Variants in PLAGL1 observed in about 807,000 individuals in gnomAD.
The protein encoded by PLAGL1 is PLAG1 like zinc finger 1, also known as zinc finger protein PLAGL1.
A neutral mutation model predicts 4.6 loss-of-function variants in PLAGL1; 1 was observed. That is an observed-to-expected ratio of 0.22 (90% CI 0.08 to 1.03). PLAGL1 has a LOEUF of 1.03. Among genes scored for constraint, PLAGL1 ranks in the 50% least tolerant of loss-of-function variants. The pLI, the probability that PLAGL1 is intolerant of heterozygous loss-of-function variation, is 0.58. For missense variants in PLAGL1, 464 were observed against 570.4 expected, an observed-to-expected ratio of 0.81 and a Z score of 1.90; for synonymous variants, 240 against 237.8, an observed-to-expected ratio of 1.01 and a Z score of -0.08.
At position 144,059,092 on chromosome 6, in the gene PLAGL1, G is replaced by A. The variant is rs902486354; in HGVS notation, c.-151+5376C>T. Among the ~76,000 whole-genome samples, 7 of 152,140 alleles carry A rather than the reference G, an allele frequency of 4.6e-5. No homozygotes were observed. Among genetic ancestry groups the A allele is most frequent in the Admixed American group, 4.6e-4 (7 of 15,284 alleles). On this transcript the variant is annotated intron_variant, in intron 1 of 3. Transcript: ENST00000437412. This position sits in a 1 kb window ranked among gnomAD's most constrained non-coding sequence, Gnocchi z 4.9. ...CCACCCCTACAGCAGGCTTCTGCCTGTACACTCAGGCTTTCTGATATGTCA... is the reference window on the plus strand; with the variant it reads ...CCACCCCTACAGCAGGCTTCTGCCTATACACTCAGGCTTTCTGATATGTCA...
intron 1 of PLAGL1, among the ~76,000 whole-genome samples, chr6:143,988,079 GTGATGT>G (rs1789610745): frequency 2.0e-5 from 3 of 152,144 alleles, no homozygotes; most frequent in Admixed American, 1.3e-4. Flanking sequence ...TCCATTCCCA[GTGATGT>G]TTGTCCAGTA....
At position 143,948,274 on chromosome 6, in the gene PLAGL1, G is replaced by A. The variant is rs745769302; in HGVS notation, c.-138C>T. The A allele has an allele frequency of 2.0e-4, 140 of 710,000 alleles. No individual in the cohort carries two copies. Among genetic ancestry groups the A allele is most frequent in the Middle Eastern group, 4.0e-4 (1 of 2,516 alleles). The allele number at this position is 710,000 out of a possible 1,614,324, so 44.0% of individuals were successfully genotyped here. On this transcript the variant is annotated 5_prime_UTR_variant, in exon 7 of 8. In the 5' UTR this introduces an upstream ATG that the reference lacks. Transcript: ENST00000674357. This position sits in a 1 kb window ranked among gnomAD's most constrained non-coding sequence, Gnocchi z 6.0. ...TCCAGACCACGGGAGAGGCAGCATC[G>A]TGGGCCTGGTTCTACCCAGACATGG...
rs117922156 is a variant in PLAGL1, at chr6:143,943,456, A to G, written c.153-793T>C. ...TTAAAAAGTCCATCCTTAACCTCAGAAAAGTGTCTAATAGGACCCTGAACA... is the reference window on the plus strand; with the variant it reads ...TTAAAAAGTCCATCCTTAACCTCAGGAAAGTGTCTAATAGGACCCTGAACA... On this transcript the variant is annotated intron_variant, in intron 7 of 7. Transcript: ENST00000674357. Among the ~76,000 whole-genome samples, 251 of 152,092 alleles carry G rather than the reference A, an allele frequency of 1.7e-3. 3 individuals are homozygous for G. The East Asian group carries it at 0.026, about 16-fold the overall frequency.
At chr6:143,998,645 T>C (rs920584622) in intron 1 of PLAGL1, among the ~76,000 whole-genome samples, 2 of 152,124 alleles carry the variant, frequency 1.3e-5, no homozygotes, top group Non-Finnish European at 2.9e-5. Context: ...ATATAAAGAT[T>C]GGTGACGAAA....
chr6:144,018,443 G>A (rs937427726), intron 1 of PLAGL1, among the ~76,000 whole-genome samples: 6 of 152,130 alleles, frequency 3.9e-5, no homozygotes, highest in Non-Finnish European at 7.4e-5. Context: ...GGAGGAATAA[G>A]TTCAAGATTT....
intron 6 of PLAGL1, among the ~76,000 whole-genome samples, chr6:143,951,829 G>A (rs1352166659): frequency 1.3e-5 from 2 of 152,168 alleles, no homozygotes; most frequent in African/African-American, 4.8e-5. Flanking sequence ...CCAGGTCTGT[G>A]TGTTTAATAT....
intron 1 of PLAGL1, among the ~76,000 whole-genome samples, chr6:144,040,488 C>G (rs570889330): frequency 1.3e-5 from 2 of 151,688 alleles, no homozygotes; most frequent in South Asian, 2.1e-4. Flanking sequence ...AAGATCACAC[C>G]ACTACACTCT....
chr6:143,944,372 A>G (rs1298637952), intron 7 of PLAGL1, among the ~76,000 whole-genome samples: 1 of 152,144 alleles, frequency 6.6e-6, no homozygotes, highest in Non-Finnish European at 1.5e-5. Flanking sequence ...CCAGTTCAAA[A>G]AATATAAAGC....
Position 143,997,113 on chromosome 6 carries a change from A to C in PLAGL1, c.-584+10977T>G, listed in dbSNP as rs936556354. Among the ~76,000 whole-genome samples, 6 of 152,250 alleles carry C rather than the reference A, an allele frequency of 3.9e-5. No homozygotes were observed. Among genetic ancestry groups the C allele is most frequent in the African/African-American group, 1.4e-4 (6 of 41,466 alleles). ...AAAACCATGAGACCATGAAGCCATG[A>C]GATATCACCTCAAACCCACCAGAGG... On this transcript the variant is annotated intron_variant, in intron 1 of 7. Coordinates refer to ENST00000674357, the MANE Select transcript of PLAGL1 (RefSeq NM_001317162.2). The surrounding 1 kb of genome is among the most constrained non-coding windows in gnomAD (Gnocchi z 4.6).
chr6:144,002,516 A>C (rs181220692), intron 1 of PLAGL1, among the ~76,000 whole-genome samples: 5 of 152,168 alleles, frequency 3.3e-5, no homozygotes, highest in African/African-American at 1.2e-4. Context: ...AGCACATTAA[A>C]AACAAAAACA....
Position 143,964,502 on chromosome 6 carries a change from C to T in PLAGL1, c.-399+285G>A, listed in dbSNP as rs1180524301. Among the ~76,000 whole-genome samples, 1 of 152,198 alleles carries T rather than the reference C, an allele frequency of 6.6e-6. No individual in the cohort carries two copies. The highest frequency in any genetic ancestry group is 1.5e-5 in the Non-Finnish European group (1 of 68,034). On this transcript the variant is annotated intron_variant, in intron 5 of 7. Transcript: ENST00000674357. The surrounding 1 kb of genome is among the most constrained non-coding windows in gnomAD (Gnocchi z 4.3). Reference sequence around the variant, plus strand: ...TAATGCTTCTTGCATAGTTGACACTCTGAGGTGAAATGCAGACTTGTGGGG... The same window carrying T: ...TAATGCTTCTTGCATAGTTGACACTTTGAGGTGAAATGCAGACTTGTGGGG...
chr6:144,020,873 T>C (rs1274538895), intron 1 of PLAGL1, among the ~76,000 whole-genome samples: 1 of 146,548 alleles, frequency 6.8e-6, no homozygotes, highest in East Asian at 1.9e-4. Flanking sequence ...ATATAAAATA[T>C]ATAGTATAAT....
chr6:144,052,876 C>A (rs1003276418), intron 1 of PLAGL1, among the ~76,000 whole-genome samples: 1 of 152,088 alleles, frequency 6.6e-6, no homozygotes, highest in African/African-American at 2.4e-5. Context: ...AACATTGGTG[C>A]CCTCTTAGAA....
chr6:144,017,905 C>G (rs944951109), intron 1 of PLAGL1, among the ~76,000 whole-genome samples: 1 of 152,156 alleles, frequency 6.6e-6, no homozygotes, highest in South Asian at 2.1e-4. Context: ...GTCTCCTTCA[C>G]TGGATTCCCT....
At position 143,940,838 on chromosome 6, in the gene PLAGL1, C is replaced by T. The variant is rs1422006091; in HGVS notation, c.*586G>A. 1 of 152,022 alleles carries T rather than the reference C, an allele frequency of 6.6e-6. No homozygotes were observed. The highest frequency in any genetic ancestry group is 1.9e-4 in the East Asian group (1 of 5,178). The allele number at this position is 152,022 out of a possible 1,614,324, so 9.4% of individuals were successfully genotyped here. ...CATCTTGTGGAAAATATTCAAACTA[C>T]ATTTAAAATGCTTCTGTAAAATGGA... On this transcript the variant is annotated 3_prime_UTR_variant, in exon 8 of 8. Coordinates refer to ENST00000674357, the MANE Select transcript of PLAGL1 (RefSeq NM_001317162.2).
Position 144,063,606 on chromosome 6 carries a change from A to G in PLAGL1, c.-151+862T>C, listed in dbSNP as rs1799602487. 1.3e-5 allele frequency among the ~76,000 whole-genome samples: 2 copies of G among 152,192 alleles called. No homozygotes were observed. On this transcript the variant is annotated intron_variant, in intron 1 of 3. Coordinates refer to the PLAGL1 transcript ENST00000437412. The surrounding 1 kb of genome is among the most constrained non-coding windows in gnomAD (Gnocchi z 5.7). The stretch of plus-strand genomic sequence containing the variant: ...CTTTCGGTGGCCACACAGATGCTCA[A>G]TGCCACGACCCTTGAATAACTGCCA...
rs1232207576 is a variant in PLAGL1, at chr6:144,027,563, C to G, written c.-151+36905G>C. 6.6e-6 allele frequency among the ~76,000 whole-genome samples: 1 copy of G among 152,178 alleles called. No homozygotes were observed. Among genetic ancestry groups the G allele is most frequent in the Non-Finnish European group, 1.5e-5 (1 of 68,032 alleles). ...ACTAACCTCCACCTCCCACCATCCT[C>G]CAGCACCAACTGCACCCATGGAAAA... On this transcript the variant is annotated intron_variant, in intron 1 of 3. Transcript: ENST00000437412. The surrounding 1 kb of genome is among the most constrained non-coding windows in gnomAD (Gnocchi z 5.8).
upstream of PLAGL1, among the ~76,000 whole-genome samples, chr6:144,010,863 C>T (rs1194302533): frequency 6.6e-6 from 1 of 152,138 alleles, no homozygotes; most frequent in Non-Finnish European, 1.5e-5. This position sits in a 1 kb window ranked among gnomAD's most constrained non-coding sequence, Gnocchi z 4.1. Flanking sequence ...TAAAAGATTC[C>T]CTAGTTAATA....
intron 7 of PLAGL1, among the ~76,000 whole-genome samples, chr6:143,946,832 C>T (rs6570597): frequency 0.86 from 130,216 of 152,216 alleles, 56,059 homozygotes; most frequent in East Asian, 1. Flanking sequence ...TTTCCCTTAA[C>T]CAAGTATCAA....
Sources: gnomAD v4.1 joint callset for allele counts (sites outside exome capture counted in the v4.1 genomes callset) on GRCh38, gnomAD v4.1.1 for gene constraint, Gnocchi (gnomAD v3.1) non-coding constraint, MANE v1.5 for transcripts, NCBI Gene and HGNC (gene_info 2026-07-23, HGNC 2026-07-21) for gene names.